RCBTB1: variants seen among roughly 807,000 people sequenced by gnomAD.
RCBTB1 encodes RCC1 and BTB domain-containing protein 1.
RCBTB1 carries 46 observed loss-of-function variants against 62.4 expected under a neutral mutation model. That is an observed-to-expected ratio of 0.74 (90% CI 0.58 to 0.94). RCBTB1 has a LOEUF of 0.94. RCBTB1 is among the 40% of genes least tolerant of loss of function. The pLI is 0.00. For synonymous variants in RCBTB1, 222 were observed against 245.8 expected, an observed-to-expected ratio of 0.90 and a Z score of 0.91; for missense variants, 565 against 654.9, an observed-to-expected ratio of 0.86 and a Z score of 1.50.
At chr13:49,548,729 T>G (rs1961042269) in intron 9 of RCBTB1, among the ~76,000 whole-genome samples, 2 of 151,862 alleles carry the variant, frequency 1.3e-5, no homozygotes, top group Non-Finnish European at 2.9e-5. Context: ...TCCGCTTATA[T>G]GAACTCTCCA....
At chr13:49,584,649 CT>C (rs1964290031) in intron 1 of RCBTB1, among the ~76,000 whole-genome samples, 1 of 152,160 alleles carries the variant, frequency 6.6e-6, no homozygotes. Flanking sequence ...CCTCTAAGGG[CT>C]TTTAGTCCTC....
At chr13:49,554,305 T>C (rs1961657904) in intron 6 of RCBTB1, among the ~76,000 whole-genome samples, 2 of 152,210 alleles carry the variant, frequency 1.3e-5, no homozygotes, top group Admixed American at 6.5e-5. Flanking sequence ...CTTGTCTTCC[T>C]TTACTTTGTT....
intron 2 of RCBTB1, among the ~76,000 whole-genome samples, chr13:49,572,653 A>G (rs1169150239): frequency 6.6e-6 from 1 of 151,958 alleles, no homozygotes; most frequent in Non-Finnish European, 1.5e-5. Context: ...AAATACAAAA[A>G]TTACCCCGGG....
intron 5 of RCBTB1, among the ~76,000 whole-genome samples, chr13:49,556,346 A>G (rs1961872594): frequency 6.6e-6 from 1 of 151,562 alleles, no homozygotes; most frequent in Admixed American, 6.6e-5. Context: ...GCCCGCCACC[A>G]TGCCCGGCTA....
intron 12 of RCBTB1, among the ~76,000 whole-genome samples, chr13:49,539,098 G>C (rs1486023307): frequency 2.0e-5 from 3 of 151,552 alleles, no homozygotes; most frequent in African/African-American, 4.8e-5. Context: ...TCAAACTCCT[G>C]ATCTCAAGTG....
chr13:49,557,329 G>A (rs966563911), intron 5 of RCBTB1, among the ~76,000 whole-genome samples: 3 of 152,052 alleles, frequency 2.0e-5, no homozygotes, highest in African/African-American at 7.2e-5. Flanking sequence ...AAATGGAGAG[G>A]AACAAAATGG....
At chr13:49,539,093 C>T (rs1030904019) in intron 12 of RCBTB1, among the ~76,000 whole-genome samples, 3 of 151,996 alleles carry the variant, frequency 2.0e-5, no homozygotes, top group African/African-American at 7.2e-5. Flanking sequence ...TGGTCTCAAA[C>T]TCCTGATCTC....
intron 8 of RCBTB1, 48 bp from the exon 9 acceptor site, chr13:49,549,696 C>A (rs3751381): frequency 3.2e-6 from 5 of 1,556,596 alleles, no homozygotes; most frequent in African/African-American, 1.4e-5. Context: ...TCACAGAAGC[C>A]CACAGCACAC....
Position 49,559,942 on chromosome 13 carries a change from T to C in RCBTB1, c.420A>G (p.Ser140=), listed in dbSNP as rs776757167. The C allele has an allele frequency of 1.9e-6, 3 of 1,613,846 alleles. No individual in the cohort carries two copies. The highest frequency in any genetic ancestry group is 2.5e-6 in the Non-Finnish European group (3 of 1,179,948). ...CCTCTCCATCAGCTGCCAGAGCCATTGAATGATGTGAGCCACAAGCTACTT... is the reference window on the plus strand; with the variant it reads ...CCTCTCCATCAGCTGCCAGAGCCATCGAATGATGTGAGCCACAAGCTACTT... ...VVEVACGSHH[S]MALAADGEVF... Residue 140 remains serine, a synonymous_variant, in exon 5 of 13, where the codon TCA becomes TCG. Coordinates refer to ENST00000378302, the MANE Select transcript of RCBTB1 (RefSeq NM_018191.4).
At chr13:49,579,024 A>C (rs1034653594) in intron 2 of RCBTB1, among the ~76,000 whole-genome samples, 15 of 152,340 alleles carry the variant, frequency 9.8e-5, no homozygotes, top group African/African-American at 3.4e-4. Context: ...CTCAAGGTAC[A>C]AACAGCCAAA....
intron 6 of RCBTB1, among the ~76,000 whole-genome samples, chr13:49,553,655 G>A (rs1043979547): frequency 1.3e-5 from 2 of 152,134 alleles, no homozygotes; most frequent in African/African-American, 2.4e-5. Flanking sequence ...TGGTGGCATC[G>A]AGCCCCACAG....
chr13:49,548,287 G>A (rs561277755), intron 9 of RCBTB1, among the ~76,000 whole-genome samples: 1 of 151,780 alleles, frequency 6.6e-6, no homozygotes, highest in Non-Finnish European at 1.5e-5. Context: ...AGCTACTCAG[G>A]AGGCTAAGGC....
chr13:49,565,149 C>T (rs906212397), intron 4 of RCBTB1, among the ~76,000 whole-genome samples: 9 of 152,172 alleles, frequency 5.9e-5, no homozygotes, highest in Admixed American at 2.6e-4. Flanking sequence ...CGAGTGCCTG[C>T]GATTGCAGGG....
At chr13:49,548,028 C>T (rs868780416) in intron 9 of RCBTB1, among the ~76,000 whole-genome samples, 1 of 152,126 alleles carries the variant, frequency 6.6e-6, no homozygotes, top group Non-Finnish European at 1.5e-5. Context: ...ATCCACCCAC[C>T]TTGGCCTCCC....
chr13:49,581,282 A>G (rs1459707819), intron 1 of RCBTB1, among the ~76,000 whole-genome samples: 1 of 152,122 alleles, frequency 6.6e-6, no homozygotes, highest in Non-Finnish European at 1.5e-5. Flanking sequence ...GGAAATGGAG[A>G]AAATTGAACA....
Position 49,544,727 on chromosome 13 carries a change from G to A in RCBTB1, c.1172+10C>T. Reference sequence around the variant, plus strand: ...AAGTTATTGATGTCTCTGAGCTCATGCAAAAATACCTGATTTTCAAAACAG... The same window carrying A: ...AAGTTATTGATGTCTCTGAGCTCATACAAAAATACCTGATTTTCAAAACAG... On this transcript the variant is annotated intron_variant, in intron 10 of 12. Coordinates refer to ENST00000378302, the MANE Select transcript of RCBTB1 (RefSeq NM_018191.4). 2 of 1,606,938 alleles carry A rather than the reference G, an allele frequency of 1.2e-6. No homozygotes were observed. The highest frequency in any genetic ancestry group is 1.7e-6 in the Non-Finnish European group (2 of 1,176,816).
intron 5 of RCBTB1, among the ~76,000 whole-genome samples, chr13:49,557,047 G>A (rs1459837281): frequency 6.6e-6 from 1 of 152,158 alleles, no homozygotes; most frequent in South Asian, 2.1e-4. Flanking sequence ...AGGCCTGTGT[G>A]CTATGCCTGG....
intron 8 of RCBTB1, among the ~76,000 whole-genome samples, chr13:49,550,830 T>A (rs1349073815): frequency 6.6e-6 from 1 of 152,118 alleles, no homozygotes; most frequent in African/African-American, 2.4e-5. Context: ...CCAGGCACGG[T>A]GGGGCTCATG....
rs1187403506 is a variant in RCBTB1 at position 49,556,248 on chromosome 13, G to A, written c.445-575C>T. Reference sequence around the variant, plus strand: ...GTTTCACTCTGTCCCCCAGGCTGGAGTGCAGTGGTGCGATCTCAGCTCACT... The same window carrying A: ...GTTTCACTCTGTCCCCCAGGCTGGAATGCAGTGGTGCGATCTCAGCTCACT... On this transcript the variant is annotated intron_variant, in intron 5 of 12. Coordinates refer to ENST00000378302, the MANE Select transcript of RCBTB1 (RefSeq NM_018191.4). 8.8e-5 allele frequency among the ~76,000 whole-genome samples: 13 copies of A among 147,628 alleles called. No homozygotes were observed. In the South Asian group the frequency reaches 1.5e-3, roughly 17 times the overall value.
Sources: gnomAD v4.1 joint callset for allele counts (sites outside exome capture counted in the v4.1 genomes callset) on GRCh38, gnomAD v4.1.1 for gene constraint, MANE v1.5 for transcripts, NCBI Gene and HGNC (gene_info 2026-07-23, HGNC 2026-07-21) for gene names.